Variants in IREB2 observed in about 807,000 individuals in gnomAD.
IREB2 encodes iron responsive element binding protein 2, also known as iron-responsive element-binding protein 2.
A neutral mutation model predicts 118.8 loss-of-function variants in IREB2; 39 were observed. That is an observed-to-expected ratio of 0.33 (90% CI 0.25 to 0.43). The LOEUF (loss-of-function observed/expected upper bound fraction) is 0.43, where lower values mean the gene tolerates loss of function less well. Among genes scored for constraint, IREB2 ranks in the 20% least tolerant of loss-of-function variants. The pLI is 1.00. For missense variants in IREB2, 900 were observed against 1,147.3 expected (o/e 0.78, Z 3.11); for synonymous variants, 372 against 392.2 (o/e 0.95, Z 0.61).
At chr15:78,476,457 C>T in intron 9 of IREB2, 98 bp downstream of exon 9, 1 of 823,090 alleles carries the variant, frequency 1.2e-6, no homozygotes, top group South Asian at 2.9e-5. Flanking sequence ...ATTTACTATT[C>T]ACAAAATTAC....
intron 8 of IREB2, chr15:78,475,635 C>G (rs1404325590): frequency 6.6e-6 from 1 of 151,352 alleles, no homozygotes; most frequent in Non-Finnish European, 1.5e-5. Context: ...CACTTGAGGC[C>G]AGAAGTTCAA....
chr15:78,492,148 A>G (rs556646886), intron 18 of IREB2, among the ~76,000 whole-genome samples: 2 of 152,196 alleles, frequency 1.3e-5, no homozygotes, highest in African/African-American at 2.4e-5. Flanking sequence ...TAAAAGACCA[A>G]ATCAGAGGCT....
chr15:78,498,142 A>T lies in IREB2; in HGVS notation c.2891A>T (p.Ter964LeuextTer12). Reference protein sequence around the residue: ...LLNFVARKFS* With the variant: ...LLNFVARKFSL ...AACTTTGTGGCACGAAAATTCTCAT[A>T]GTATCTACTTACCATAGATACCTTT... is the stretch of plus-strand genomic sequence containing the variant. Residue 964 changes from the stop codon to leucine, a stop_lost, in exon 22 of 22, where the codon TAG (stop) becomes TTG (leucine). Coordinates refer to ENST00000258886, the MANE Select transcript of IREB2 (RefSeq NM_004136.4). 6.5e-7 allele frequency: 1 copy of T among 1,531,894 alleles called. No individual in the cohort carries two copies. Among genetic ancestry groups the T allele is most frequent in the Non-Finnish European group, 9.0e-7 (1 of 1,105,088 alleles). The allele number at this position is 1,531,894 out of a possible 1,614,324, so 94.9% of individuals were successfully genotyped here. A position where few individuals can be genotyped will look rare whatever the true frequency, so the allele number is the denominator to read the frequency against.
At chr15:78,476,133 G>A (rs2051465620) in intron 8 of IREB2, 55 bp from the exon 9 acceptor site, 5 of 1,304,792 alleles carry the variant, frequency 3.8e-6, no homozygotes, top group African/African-American at 2.9e-5. Flanking sequence ...TCAGACAATC[G>A]TTGCTAATCT....
chr15:78,481,522 A>ATTTTTTTT (rs145058390), intron 10 of IREB2, among the ~76,000 whole-genome samples: 2 of 137,988 alleles, frequency 1.4e-5, no homozygotes, highest in African/African-American at 2.7e-5. Flanking sequence ...CACCTCGCTA[A>ATTTTTTTT]TTTTTTTTTT....
intron 2 of IREB2, among the ~76,000 whole-genome samples, chr15:78,460,855 A>G (rs2051184819): frequency 6.6e-6 from 1 of 152,032 alleles, no homozygotes; most frequent in South Asian, 2.1e-4. Context: ...GCTTCATTTT[A>G]AAAAAAATTA....
At chr15:78,478,509 C>G (rs2051513244) in intron 10 of IREB2, 112 bp downstream of exon 10, 3 of 643,126 alleles carry the variant, frequency 4.7e-6, no homozygotes, top group Admixed American at 2.6e-5. Context: ...TTGAGACCAG[C>G]CTGGGCAATA....
At chr15:78,482,230 A>G (rs1334978895) in intron 10 of IREB2, among the ~76,000 whole-genome samples, 3 of 152,168 alleles carry the variant, frequency 2.0e-5, no homozygotes, top group Non-Finnish European at 4.4e-5. Context: ...ACCCTTTCAC[A>G]ATAAAAATAA....
intron 16 of IREB2, among the ~76,000 whole-genome samples, chr15:78,489,236 AAAG>A: frequency 6.6e-6 from 1 of 151,904 alleles, no homozygotes; most frequent in Non-Finnish European, 1.5e-5. Flanking sequence ...AAAAAAAAAA[AAAG>A]AAAGAAAATG....
intron 2 of IREB2, among the ~76,000 whole-genome samples, chr15:78,459,539 G>A (rs1220042493): frequency 1.3e-5 from 2 of 151,980 alleles, no homozygotes; most frequent in Non-Finnish European, 2.9e-5. Context: ...TAGTAGAGAC[G>A]GGGTTTCGCC....
intron 8 of IREB2, chr15:78,474,975 A>T (rs2051441858): frequency 6.7e-6 from 1 of 149,412 alleles, no homozygotes; most frequent in Non-Finnish European, 1.5e-5. Flanking sequence ...GAATGGCGTG[A>T]ACCCGGGAGG....
intron 3 of IREB2, among the ~76,000 whole-genome samples, chr15:78,464,209 A>G (rs1363646500): frequency 6.6e-6 from 1 of 152,218 alleles, no homozygotes; most frequent in Non-Finnish European, 1.5e-5. Flanking sequence ...CTTGGTTACA[A>G]ATGTTAAGTC....
chr15:78,475,444 A>T (rs1468765264), intron 8 of IREB2: 1 of 152,188 alleles, frequency 6.6e-6, no homozygotes, highest in Non-Finnish European at 1.5e-5. Flanking sequence ...TAATTTGAAA[A>T]ATGTTTATAG....
intron 10 of IREB2, among the ~76,000 whole-genome samples, chr15:78,482,539 C>G (rs1343748626): frequency 2.0e-5 from 3 of 152,186 alleles, no homozygotes; most frequent in Non-Finnish European, 2.9e-5. Flanking sequence ...TCAGCACCCT[C>G]TAGTGACCAG....
In IREB2 at chr15:78,462,885, CTGTT is replaced by C. The variant is rs760624539; in HGVS notation, c.107-34_107-31del. ...TTTTAAAAATAATATATAGGTATGA[CTGTT>C]TGCTTATTAATAGTAATATTTTCTT... On this transcript the variant is annotated intron_variant, in intron 2 of 21. Transcript: ENST00000258886. The C allele has an allele frequency of 4.2e-5, 62 of 1,481,890 alleles. 1 individual carries two copies. The highest frequency in any genetic ancestry group is 3.8e-4 in the South Asian group (29 of 76,580). The allele number at this position is 1,481,890 out of a possible 1,614,324, so 91.8% of individuals were successfully genotyped here. A position where few individuals can be genotyped will look rare whatever the true frequency, so the allele number is the denominator to read the frequency against.
Position 78,499,461 on chromosome 15 carries a change from C to A in IREB2, c.*1318C>A, listed in dbSNP as rs935382621. ...TATCTTTCTATGACCTAGTTAGTTA[C>A]TGCAATTCAGAATTAGTTCACATTG... On this transcript the variant is annotated 3_prime_UTR_variant, in exon 22 of 22. Transcript: ENST00000258886. 17 of 152,028 alleles carry A rather than the reference C, an allele frequency of 1.1e-4. No individual in the cohort carries two copies. Among genetic ancestry groups the A allele is most frequent in the African/African-American group, 4.1e-4 (17 of 41,406 alleles). 9.4% of individuals were successfully genotyped at this position (152,028 alleles called of 1,614,324 possible).
intron 9 of IREB2, 63 bp from the exon 10 acceptor site, chr15:78,478,233 GA>G (rs1256385304): frequency 1.8e-6 from 2 of 1,141,272 alleles, no homozygotes; most frequent in Non-Finnish European, 2.6e-6. Flanking sequence ...AACCCTGTCT[GA>G]AAAAAATAAT....
intron 2 of IREB2, among the ~76,000 whole-genome samples, chr15:78,445,136 ATTTTTTTT>A (rs200250924): frequency 8.1e-6 from 1 of 123,426 alleles, no homozygotes; most frequent in Non-Finnish European, 1.8e-5. Context: ...TCCAGTCTTT[ATTTTTTTT>A]TTTTTTTTTT....
At chr15:78,442,936 CT>C (rs1595982214) in intron 2 of IREB2, among the ~76,000 whole-genome samples, 1 of 152,214 alleles carries the variant, frequency 6.6e-6, no homozygotes, top group East Asian at 1.9e-4. Flanking sequence ...TCTCCAGGGG[CT>C]TTTGCCTCTT....
Sources: gnomAD v4.1 joint callset for allele counts (sites outside exome capture counted in the v4.1 genomes callset) on GRCh38, gnomAD v4.1.1 for gene constraint, MANE v1.5 for transcripts, NCBI Gene and HGNC (gene_info 2026-07-23, HGNC 2026-07-21) for gene names.